Variants in TBC1D15 observed in about 807,000 individuals in gnomAD.
TBC1D15 encodes GAP for RAB7.
Under a neutral mutation model 95.4 loss-of-function variants are expected in TBC1D15, and 39 were observed. The ratio of observed to expected loss-of-function variants is 0.41; its 90% CI spans 0.32 to 0.53. The LOEUF (loss-of-function observed/expected upper bound fraction) is 0.53. Ranked by LOEUF, TBC1D15 falls within the 20% of genes least tolerant of loss-of-function variation. The pLI is 0.29. For missense variants in TBC1D15, 733 were observed against 794.3 expected (o/e 0.92, Z 0.93); for synonymous variants, 258 against 261.3 (o/e 0.99, Z 0.12).
At chr12:71,917,857 TGTAAA>T in intron 13 of TBC1D15, 60 bp downstream of exon 13, 1 of 1,143,868 alleles carries the variant, frequency 8.7e-7, no homozygotes, top group African/African-American at 1.5e-5. Flanking sequence ...TAGAAAAAAA[TGTAAA>T]GAACTCTTTA....
rs751612947 is a variant in TBC1D15 at position 71,894,646 on chromosome 12, T to G, written c.658-40T>G. 4 of 1,548,724 alleles carry G rather than the reference T, an allele frequency of 2.6e-6. No homozygotes were observed. In the African/African-American group the frequency reaches 5.5e-5, roughly 21 times the overall value. ...TGATGGAGTATTCGTTTTTCTTTAT[T>G]TGAGTTAATAATGCTAATATTTTTC... is the stretch of plus-strand genomic sequence containing the variant. On this transcript the variant is annotated intron_variant, in intron 6 of 16. Coordinates refer to ENST00000485960, the MANE Select transcript of TBC1D15 (RefSeq NM_001146213.3).
chr12:71,862,441 T>A (rs1016264676), intron 1 of TBC1D15, among the ~76,000 whole-genome samples: 3 of 152,218 alleles, frequency 2.0e-5, no homozygotes, highest in Non-Finnish European at 4.4e-5. Flanking sequence ...ACCTTCTTTG[T>A]CTCTTTCTAC....
At chr12:71,841,419 T>G (rs1477770108) in intron 1 of TBC1D15, among the ~76,000 whole-genome samples, 1 of 152,176 alleles carries the variant, frequency 6.6e-6, no homozygotes, top group Non-Finnish European at 1.5e-5. Context: ...TTGCCATCAC[T>G]CCACTGAAAC....
intron 3 of TBC1D15, among the ~76,000 whole-genome samples, chr12:71,878,971 G>C (rs553822786): frequency 6.6e-6 from 1 of 151,938 alleles, no homozygotes; most frequent in East Asian, 1.9e-4. Context: ...AATTTTTCTT[G>C]TGCCTTTATA....
intron 1 of TBC1D15, among the ~76,000 whole-genome samples, chr12:71,868,215 G>T (rs1891888347): frequency 6.7e-6 from 1 of 150,140 alleles, no homozygotes; most frequent in African/African-American, 2.4e-5. Flanking sequence ...GAGGAACACA[G>T]AATACAGAAT....
intron 1 of TBC1D15, among the ~76,000 whole-genome samples, chr12:71,847,775 G>A (rs982134160): frequency 2.6e-5 from 4 of 151,814 alleles, no homozygotes; most frequent in Non-Finnish European, 5.9e-5. Flanking sequence ...TAGACATTTG[G>A]GTTATTTCCA....
intron 1 of TBC1D15, among the ~76,000 whole-genome samples, chr12:71,871,095 C>G (rs1402680754): frequency 2.0e-5 from 3 of 152,022 alleles, no homozygotes; most frequent in Non-Finnish European, 2.9e-5. Flanking sequence ...TGAAATGGGT[C>G]TCAAGAATGG....
In TBC1D15 at chr12:71,923,875, T is replaced by C. The variant is rs1037634899; in HGVS notation, c.*671T>C. 1 of 152,590 alleles carries C rather than the reference T, an allele frequency of 6.6e-6. No homozygotes were observed. The highest frequency in any genetic ancestry group is 1.5e-5 in the Non-Finnish European group (1 of 68,018). The allele number at this position is 152,590 out of a possible 1,614,324, so 9.5% of individuals were successfully genotyped here. On this transcript the variant is annotated 3_prime_UTR_variant, in exon 17 of 17. Transcript: ENST00000485960. ...TAAGAAAGGTTAGGCATATTTTCATTAACTGAATAAACGACTTGATTTATA... is the reference window on the plus strand; with the variant it reads ...TAAGAAAGGTTAGGCATATTTTCATCAACTGAATAAACGACTTGATTTATA...
chr12:71,891,742 A>T (rs1897240588), intron 5 of TBC1D15, among the ~76,000 whole-genome samples: 1 of 152,088 alleles, frequency 6.6e-6, no homozygotes, highest in African/African-American at 2.4e-5. Flanking sequence ...TTTTTAAAAA[A>T]TATTTGTGGT....
rs79367304 is a variant in TBC1D15 at position 71,846,618 on chromosome 12, T to G, written c.30+6807T>G. Among the ~76,000 whole-genome samples, 758 of 152,306 alleles carry G rather than the reference T, an allele frequency of 5.0e-3. 6 individuals are homozygous for G. The highest frequency in any genetic ancestry group is 0.017 in the African/African-American group (705 of 41,564). The stretch of plus-strand genomic sequence containing the variant: ...GATTCCCAGCTAAGTGAGGGTATGA[T>G]TGTTAATTTTTTTTTGAGGCAGGAC... On this transcript the variant is annotated intron_variant, in intron 1 of 16. Coordinates refer to ENST00000485960, the MANE Select transcript of TBC1D15 (RefSeq NM_001146213.3).
rs753739205 is a variant in TBC1D15 at position 71,844,698 on chromosome 12, C to G, written c.30+4887C>G. ...GTGACTGAATCTTACTTATTTACAC[C>G]TAGTAGCTTGCTCTGTACCTGGCAC... is the stretch of plus-strand genomic sequence containing the variant. On this transcript the variant is annotated intron_variant, in intron 1 of 16. Transcript: ENST00000485960. Among the ~76,000 whole-genome samples the G allele has an allele frequency of 7.9e-4, 120 of 152,278 alleles. 1 individual carries two copies. The highest frequency in any genetic ancestry group is 4.9e-3 in the Admixed American group (75 of 15,288).
chr12:71,868,102 T>C (rs951071090), intron 1 of TBC1D15, among the ~76,000 whole-genome samples: 2 of 152,176 alleles, frequency 1.3e-5, no homozygotes, highest in African/African-American at 4.8e-5. Flanking sequence ...CCCTTCAAAA[T>C]TAGAAAGCTA....
At chr12:71,853,828 G>C (rs187715483) in intron 1 of TBC1D15, among the ~76,000 whole-genome samples, 76 of 152,326 alleles carry the variant, frequency 5.0e-4, no homozygotes, top group Non-Finnish European at 8.7e-4. Context: ...TGAGGCAAGG[G>C]AGTGCTTTGT....
intron 3 of TBC1D15, 111 bp downstream of exon 3, chr12:71,873,114 G>A: frequency 1.4e-6 from 1 of 698,654 alleles, no homozygotes; most frequent in Non-Finnish European, 2.3e-6. Flanking sequence ...ATACAATTCA[G>A]TGGTTTTTAG....
chr12:71,853,356 A>G (rs528399288), intron 1 of TBC1D15, among the ~76,000 whole-genome samples: 2 of 152,222 alleles, frequency 1.3e-5, no homozygotes, highest in Non-Finnish European at 2.9e-5. Flanking sequence ...TGCCTCCAAC[A>G]TTGGGGATTA....
At chr12:71,899,279 T>G (rs1396240873) in intron 10 of TBC1D15, among the ~76,000 whole-genome samples, 1 of 152,186 alleles carries the variant, frequency 6.6e-6, no homozygotes, top group Non-Finnish European at 1.5e-5. Context: ...TAATGTAATT[T>G]GAATTGAGAC....
At chr12:71,849,715 A>G in intron 1 of TBC1D15, 1 of 545,654 alleles carries the variant, frequency 1.8e-6, no homozygotes. Context: ...CTCTTTTCAA[A>G]GACTCGGGGG....
At position 71,923,180 on chromosome 12, in the gene TBC1D15, T is replaced by C; in HGVS notation, c.2001T>C (p.Asp667=). The C allele has an allele frequency of 6.2e-7, 1 of 1,614,210 alleles. No homozygotes were observed. The highest frequency in any genetic ancestry group is 8.5e-7 in the Non-Finnish European group (1 of 1,180,038). The change falls in exon 17 of 17, where the codon GAT becomes GAC. Residue 667 remains aspartate, a synonymous_variant. Coordinates refer to ENST00000485960, the MANE Select transcript of TBC1D15 (RefSeq NM_001146213.3). ...DSPTQIPVSS[D]VCRLTPA is the part of the protein sequence containing the mutation. ...CAACACAGATACCAGTGTCCTCAGA[T>C]GTCTGCAGATTAACACCTGCATGAT...
intron 14 of TBC1D15, among the ~76,000 whole-genome samples, chr12:71,919,802 A>G (rs1380005809): frequency 1.3e-5 from 2 of 152,198 alleles, no homozygotes; most frequent in Non-Finnish European, 2.9e-5. Context: ...GGTCTGATTG[A>G]AAAATTCAAA....
Sources: gnomAD v4.1 joint callset for allele counts (sites outside exome capture counted in the v4.1 genomes callset) on GRCh38, gnomAD v4.1.1 for gene constraint, MANE v1.5 for transcripts, NCBI Gene and HGNC (gene_info 2026-07-23, HGNC 2026-07-21) for gene names.